Variants in INPPL1 observed in about 807,000 individuals in gnomAD.
INPPL1 encodes inositol polyphosphate phosphatase like 1, also known as phosphatidylinositol 3,4,5-trisphosphate 5-phosphatase 2.
INPPL1 carries 91 observed loss-of-function variants against 139.3 expected under a neutral mutation model. The ratio of observed to expected loss-of-function variants is 0.65; its 90% CI spans 0.55 to 0.78. INPPL1 has a LOEUF of 0.78. INPPL1 is among the 30% of genes least tolerant of loss of function. The pLI, the probability that INPPL1 is intolerant of heterozygous loss-of-function variation, is 0.00. For missense variants in INPPL1, 1,411 were observed against 1,665.6 expected, an observed-to-expected ratio of 0.85 and a Z score of 2.66; for synonymous variants, 719 against 686.6, an observed-to-expected ratio of 1.05 and a Z score of -0.74.
chr11:72,237,758 C>T lies in INPPL1; in HGVS notation c.3514C>T (p.Arg1172Cys), dbSNP rs200602515. The T allele has an allele frequency of 7.7e-4, 1,239 of 1,610,578 alleles. 7 individuals are homozygous for T. Among genetic ancestry groups the T allele is most frequent in the South Asian group, 2.6e-3 (235 of 90,674 alleles). The change falls in exon 26 of 28, where the codon CGC becomes TGC. Residue 1172 changes from arginine to cysteine, a missense_variant. Around this residue, in one of 5 missense-constraint regions of INPPL1, gnomAD observed 438 missense variants for 425.7 expected, o/e 1.03. Transcript: ENST00000298229. ...CCGGCCCCTCAGCTTCCCTCCACCC[C>T]GCATCCGGGAGAGCATCCAGGAAGA... ...YGRPLSFPPP[R>C]IRESIQEDLA...
chr11:72,235,514 G>A lies in INPPL1; in HGVS notation c.2659+63G>A. On this transcript the variant is annotated intron_variant, in intron 23 of 27. Coordinates refer to ENST00000298229, the MANE Select transcript of INPPL1 (RefSeq NM_001567.4). The surrounding 1 kb of genome is among the most constrained non-coding windows in gnomAD (Gnocchi z 4.9). Reference sequence around the variant, plus strand: ...AACAGATCAAGGAGGGCAGGGTGCGGGGGGCATGTTGGAATCTCTGGGATA... The same window carrying A: ...AACAGATCAAGGAGGGCAGGGTGCGAGGGGCATGTTGGAATCTCTGGGATA... The A allele has an allele frequency of 3.2e-6, 5 of 1,581,428 alleles. No homozygotes were observed. The highest frequency in any genetic ancestry group is 1.1e-5 in the South Asian group (1 of 87,884).
Position 72,231,199 on chromosome 11 carries a change from G to C in INPPL1, c.1497+10G>C. ...TCTGGATTACCGCCCGGTGAGGGGGGGTCATCTTGTCCAGGACCCTGTCCT... is the reference window on the plus strand; with the variant it reads ...TCTGGATTACCGCCCGGTGAGGGGGCGTCATCTTGTCCAGGACCCTGTCCT... On this transcript the variant is annotated intron_variant, in intron 12 of 27. Transcript: ENST00000298229. The C allele has an allele frequency of 6.2e-7, 1 of 1,605,708 alleles. No individual in the cohort carries two copies. Among genetic ancestry groups the C allele is most frequent in the East Asian group, 2.2e-5 (1 of 44,852 alleles).
intron 5 of INPPL1, 23 bp downstream of exon 5, chr11:72,229,253 T>C (rs768256545): frequency 1.3e-6 from 2 of 1,591,468 alleles, no homozygotes; most frequent in Non-Finnish European, 1.7e-6. Flanking sequence ...TCCAGCCCCA[T>C]GTATTACACC....
At chr11:72,232,545 T>C in intron 14 of INPPL1, 81 bp from the exon 15 acceptor site, 1 of 1,538,906 alleles carries the variant, frequency 6.5e-7, no homozygotes, top group South Asian at 1.2e-5. Flanking sequence ...CTCCTGAGAC[T>C]TCTTCCCTTT....
At position 72,237,695 on chromosome 11, in the gene INPPL1, G is replaced by A; in HGVS notation, c.3451G>A (p.Glu1151Lys). Reference protein sequence around the residue: ...ARSALLPGPLELQPPRGLPSD... With the variant: ...ARSALLPGPLKLQPPRGLPSD... ...CTCAGCGCTCCTCCCAGGCCCCCTG[G>A]AGCTGCAGCCCCCCCGGGGACTGCC... is the stretch of plus-strand genomic sequence containing the variant. The change falls in exon 26 of 28, where the codon GAG becomes AAG. Residue 1151 changes from glutamate (E) to lysine (K), a missense_variant. Coordinates refer to ENST00000298229, the MANE Select transcript of INPPL1 (RefSeq NM_001567.4). 6.2e-7 allele frequency: 1 copy of A among 1,611,960 alleles called. No individual in the cohort carries two copies. Among genetic ancestry groups the A allele is most frequent in the African/African-American group, 1.3e-5 (1 of 75,050 alleles).
chr11:72,224,931 G>C lies in INPPL1; in HGVS notation c.-54G>C, dbSNP rs950705546. ...CCCCAGCCTCAGCCCTGAGCGTCTCGGGGCGGATGGCGCGGGGCGGCGGGG... is the reference window on the plus strand; with the variant it reads ...CCCCAGCCTCAGCCCTGAGCGTCTCCGGGCGGATGGCGCGGGGCGGCGGGG... On this transcript the variant is annotated 5_prime_UTR_variant, in exon 1 of 28. Coordinates refer to ENST00000298229, the MANE Select transcript of INPPL1 (RefSeq NM_001567.4). 2.9e-6 allele frequency: 3 copies of C among 1,032,454 alleles called. No individual in the cohort carries two copies. Among genetic ancestry groups the C allele is most frequent in the African/African-American group, 3.4e-5 (2 of 58,266 alleles). The allele number at this position is 1,032,454 out of a possible 1,614,324, so 64.0% of individuals were successfully genotyped here.
Position 72,228,513 on chromosome 11 carries a change from G to T in INPPL1, c.397+15G>T. The stretch of plus-strand genomic sequence containing the variant: ...GGATGCCTCAGGTACTTCCCAGTGT[G>T]CAGGTCCCCTCCCTGCCCCTGTCCC... On this transcript the variant is annotated intron_variant, in intron 3 of 27. Transcript: ENST00000298229. This position sits in a 1 kb window ranked among gnomAD's most constrained non-coding sequence, Gnocchi z 5.0. The T allele has an allele frequency of 1.2e-6, 2 of 1,603,136 alleles. No individual in the cohort carries two copies. The highest frequency in any genetic ancestry group is 1.7e-6 in the Non-Finnish European group (2 of 1,179,732).
rs1949072036 is a variant in INPPL1, at chr11:72,238,665, GT to G, written c.*313del. 1 of 222,840 alleles carries G rather than the reference GT, an allele frequency of 4.5e-6. No homozygotes were observed. The highest frequency in any genetic ancestry group is 8.8e-6 in the Non-Finnish European group (1 of 114,158). 13.8% of individuals were successfully genotyped at this position (222,840 alleles called of 1,614,324 possible). On this transcript the variant is annotated 3_prime_UTR_variant, in exon 28 of 28. Coordinates refer to ENST00000298229, the MANE Select transcript of INPPL1 (RefSeq NM_001567.4). ...CCCAGCCCCAGGGGTGCCTGTGGGG[GT>G]CCATTTGGGTACGTCTGGGCCCCCA...
chr11:72,224,536 C>T (rs1948610704), upstream of INPPL1, among the ~76,000 whole-genome samples: 1 of 135,682 alleles, frequency 7.4e-6, no homozygotes, highest in Non-Finnish European at 1.6e-5. Context: ...TGGGGGGACT[C>T]GGATTTCGAT....
At position 72,228,633 on chromosome 11, in the gene INPPL1, T is replaced by G; in HGVS notation, c.398-94T>G. The G allele has an allele frequency of 2.6e-6, 4 of 1,541,382 alleles. No homozygotes were observed. The highest frequency in any genetic ancestry group is 3.5e-6 in the Non-Finnish European group (4 of 1,141,542). ...CCATGATGCCGGGGCCCTTTAACCC[T>G]CTTTCCATGGAAGTCACTTTACAGC... is the stretch of plus-strand genomic sequence containing the variant. On this transcript the variant is annotated intron_variant, in intron 3 of 27. Transcript: ENST00000298229. This position sits in a 1 kb window ranked among gnomAD's most constrained non-coding sequence, Gnocchi z 5.0.
chr11:72,230,662 C>A, intron 10 of INPPL1, 134 bp from the exon 11 acceptor site: 1 of 850,242 alleles, frequency 1.2e-6, no homozygotes, highest in Non-Finnish European at 1.9e-6. Flanking sequence ...CTGTTATATG[C>A]TTGAGCAGTG....
At chr11:72,230,489 G>C in intron 10 of INPPL1, 21 bp downstream of exon 10, 1 of 1,609,262 alleles carries the variant, frequency 6.2e-7, no homozygotes, top group Non-Finnish European at 8.5e-7. Flanking sequence ...GGCTGGGCCA[G>C]GCCACTGGGG....
In INPPL1 at chr11:72,238,480, A is replaced by G. The variant is rs567971756; in HGVS notation, c.*127A>G. The G allele has an allele frequency of 7.1e-5, 50 of 706,486 alleles. No homozygotes were observed. Among genetic ancestry groups the G allele is most frequent in the Admixed American group, 3.0e-4 (8 of 26,246 alleles). The allele number at this position is 706,486 out of a possible 1,614,324, so 43.8% of individuals were successfully genotyped here. ...TCTCTGCCTATTTATTGGGGTGCCT[A>G]TTTATTGGGGATCTGCATTCCCCGC... On this transcript the variant is annotated 3_prime_UTR_variant, in exon 28 of 28. Coordinates refer to ENST00000298229, the MANE Select transcript of INPPL1 (RefSeq NM_001567.4).
At chr11:72,232,408 C>A in intron 14 of INPPL1, 72 bp downstream of exon 14, 1 of 1,395,720 alleles carries the variant, frequency 7.2e-7, no homozygotes, top group Non-Finnish European at 9.9e-7. Flanking sequence ...CGCTCCCATA[C>A]CCTAGCCCAT....
Position 72,235,126 on chromosome 11 carries a change from T to C in INPPL1, c.2426T>C (p.Ile809Thr), listed in dbSNP as rs1216707213. ...SSRQLPTLKP[I>T]LADIEYLQDQ... ...CTCCCTGCTTCCCAGCTCAAACCAA[T>C]TCTGGCTGATATCGAGTACCTGCAG... The change falls in exon 22 of 28, where the codon ATT becomes ACT. Residue 809 changes from isoleucine to threonine, a missense_variant. Physicochemically the swap from Ile to Thr is moderately conservative, Grantham distance 89. Coordinates refer to ENST00000298229, the MANE Select transcript of INPPL1 (RefSeq NM_001567.4). The surrounding 1 kb of genome is among the most constrained non-coding windows in gnomAD (Gnocchi z 4.9). 6.2e-7 allele frequency: 1 copy of C among 1,613,768 alleles called. No homozygotes were observed. The highest frequency in any genetic ancestry group is 8.5e-7 in the Non-Finnish European group (1 of 1,179,954).
At position 72,236,015 on chromosome 11, in the gene INPPL1, C is replaced by A. The variant is rs199581928; in HGVS notation, c.2879+29C>A. 951 of 1,293,378 alleles carry A rather than the reference C, an allele frequency of 7.4e-4. 1 individual carries two copies. Among genetic ancestry groups the A allele is most frequent in the Non-Finnish European group, 9.8e-4 (907 of 925,022 alleles). The allele number at this position is 1,293,378 out of a possible 1,614,324, so 80.1% of individuals were successfully genotyped here. On this transcript the variant is annotated intron_variant, in intron 25 of 27. Transcript: ENST00000298229. ...AGAGGAGGAACCTGTCACCGCCCCC[C>A]CTTCCCCCACCCACCTCTATCCATC...
Position 72,238,649 on chromosome 11 carries a change from A to C in INPPL1, c.*296A>C. On this transcript the variant is annotated 3_prime_UTR_variant, in exon 28 of 28. Transcript: ENST00000298229. ...TTACTGGACCCCGCCTCCCAGCCCC[A>C]GGGGTGCCTGTGGGGGTCCATTTGG... The C allele has an allele frequency of 4.0e-6, 1 of 247,380 alleles. No individual in the cohort carries two copies. The highest frequency in any genetic ancestry group is 1.4e-4 in the South Asian group (1 of 7,042). The allele number at this position is 247,380 out of a possible 1,614,324, so 15.3% of individuals were successfully genotyped here. A position where few individuals can be genotyped will look rare whatever the true frequency, so the allele number is the denominator to read the frequency against.
chr11:72,228,861 C>G lies in INPPL1; in HGVS notation c.518+14C>G, dbSNP rs56353029. The G allele has an allele frequency of 0.016, 24,495 of 1,575,942 alleles. 339 individuals are homozygous for G. The highest frequency in any genetic ancestry group is 0.077 in the African/African-American group (5,657 of 73,596). ...AGCTGCTGAGAGGTGAGACCCCCAT[C>G]CCATCCACTGAACAGGAGACCCTTT... is the stretch of plus-strand genomic sequence containing the variant. On this transcript the variant is annotated intron_variant, in intron 4 of 27. Coordinates refer to ENST00000298229, the MANE Select transcript of INPPL1 (RefSeq NM_001567.4). This position sits in a 1 kb window ranked among gnomAD's most constrained non-coding sequence, Gnocchi z 5.0.
At position 72,235,052 on chromosome 11, in the gene INPPL1, C is replaced by T. The variant is rs1315572539; in HGVS notation, c.2416-64C>T. The T allele has an allele frequency of 3.8e-5, 51 of 1,348,014 alleles. No homozygotes were observed. In the East Asian group the frequency reaches 6.2e-4, roughly 16 times the overall value. 83.5% of individuals were successfully genotyped at this position (1,348,014 alleles called of 1,614,324 possible). On this transcript the variant is annotated intron_variant, in intron 21 of 27. Transcript: ENST00000298229. The surrounding 1 kb of genome is among the most constrained non-coding windows in gnomAD (Gnocchi z 4.9). ...GGGATTGAGTGGTGTCAGGGGGCAG[C>T]GCGTAGGAGGGGCAGGAGGAAGTGG...
Sources: allele counts gnomAD v4.1 joint callset (sites outside exome capture counted in the v4.1 genomes callset), GRCh38; gene constraint gnomAD v4.1.1; regional missense constraint gnomAD v4.1.1; non-coding constraint Gnocchi (gnomAD v3.1); transcripts MANE v1.5; gene names NCBI Gene and HGNC (gene_info 2026-07-23, HGNC 2026-07-21).